The following IGSF21 variants were observed in gnomAD, a reference collection of about 807,000 sequenced individuals.
The protein encoded by IGSF21 is immunoglobin superfamily member 21.
IGSF21 carries 28 observed loss-of-function variants against 46.8 expected under a neutral mutation model. The observed-to-expected ratio is 0.60, with a 90% CI of 0.44 to 0.82. The LOEUF (loss-of-function observed/expected upper bound fraction) is 0.82, where lower values mean the gene tolerates loss of function less well. Among genes scored for constraint, IGSF21 ranks in the 40% least tolerant of loss-of-function variants. The pLI is 0.00. For synonymous variants in IGSF21, 284 were observed against 273.6 expected, an observed-to-expected ratio of 1.04 and a Z score of -0.38; for missense variants, 624 against 665.5, an observed-to-expected ratio of 0.94 and a Z score of 0.69.
At position 18,365,557 on chromosome 1, in the gene IGSF21, C is replaced by T. The variant is rs779187532; in HGVS notation, c.875C>T (p.Thr292Ile). The T allele has an allele frequency of 1.7e-5, 28 of 1,614,058 alleles. No individual in the cohort carries two copies. Among genetic ancestry groups the T allele is most frequent in the Non-Finnish European group, 2.3e-5 (27 of 1,180,050 alleles). The change falls in exon 6 of 10, where the codon ACC (threonine) becomes ATC (isoleucine). Residue 292 changes from threonine to isoleucine, a missense_variant. By Grantham distance (89) the Thr-to-Ile change is moderately conservative. Coordinates refer to ENST00000251296, the MANE Select transcript of IGSF21 (RefSeq NM_032880.5). This position sits in a 1 kb window ranked among gnomAD's most constrained non-coding sequence, Gnocchi z 4.8. ...EPTYFLRHSRTPSSDGTVEVR... is the reference protein window; with the variant it reads ...EPTYFLRHSRIPSSDGTVEVR... ...ACCTACTTCCTGCGCCACAGCCGCA[C>T]CCCGAGCAGTGACGGCACTGTGGAA...
intron 1 of IGSF21, among the ~76,000 whole-genome samples, chr1:18,224,774 A>T (rs971333274): frequency 2.0e-5 from 3 of 152,244 alleles, no homozygotes; most frequent in Non-Finnish European, 4.4e-5. Flanking sequence ...GTTGGAAATC[A>T]TGTTTTCCTG....
chr1:18,291,022 C>G (rs1165733038), intron 2 of IGSF21, among the ~76,000 whole-genome samples: 1 of 152,184 alleles, frequency 6.6e-6, no homozygotes, highest in African/African-American at 2.4e-5. Flanking sequence ...GCCGAGTAAA[C>G]AGATAAATAA....
At chr1:18,288,637 T>C (rs2085237995) in intron 2 of IGSF21, among the ~76,000 whole-genome samples, 1 of 152,204 alleles carries the variant, frequency 6.6e-6, no homozygotes, top group Non-Finnish European at 1.5e-5. Flanking sequence ...GCCTCTTTCT[T>C]GGGCCCTCTA....
intron 3 of IGSF21, among the ~76,000 whole-genome samples, chr1:18,312,342 C>T (rs557159606): frequency 2.6e-5 from 4 of 152,280 alleles, no homozygotes; most frequent in African/African-American, 9.6e-5. Flanking sequence ...TAGGTTTTAG[C>T]CCAGTAGGAA....
intron 3 of IGSF21, among the ~76,000 whole-genome samples, chr1:18,327,673 T>C (rs1238372326): frequency 1.3e-5 from 2 of 152,184 alleles, no homozygotes; most frequent in East Asian, 3.9e-4. Context: ...TCCATTTATA[T>C]AAAATCCTAG....
At position 18,337,942 on chromosome 1, in the gene IGSF21, C is replaced by T. The variant is rs889608284; in HGVS notation, c.424+2932C>T. ...TTATCTCTGTGCCAGAGGAGCGTGG[C>T]TTCTGTAGCTCACCAAGGTCCTGAA... On this transcript the variant is annotated intron_variant, in intron 4 of 9. Coordinates refer to ENST00000251296, the MANE Select transcript of IGSF21 (RefSeq NM_032880.5). The surrounding 1 kb of genome is among the most constrained non-coding windows in gnomAD (Gnocchi z 5.7). 4.6e-5 allele frequency among the ~76,000 whole-genome samples: 7 copies of T among 152,102 alleles called. No individual in the cohort carries two copies. The highest frequency in any genetic ancestry group is 1.7e-4 in the African/African-American group (7 of 41,400).
chr1:18,120,489 C>T (rs544575510), intron 1 of IGSF21, among the ~76,000 whole-genome samples: 1 of 152,172 alleles, frequency 6.6e-6, no homozygotes, highest in Non-Finnish European at 1.5e-5. Flanking sequence ...GAGCTGGGGT[C>T]CAAGTAGCAG....
intron 1 of IGSF21, among the ~76,000 whole-genome samples, chr1:18,187,889 T>A (rs1307795640): frequency 6.6e-6 from 1 of 152,120 alleles, no homozygotes; most frequent in Non-Finnish European, 1.5e-5. Flanking sequence ...AAGCGGACAC[T>A]CAGAATGTTT....
intron 2 of IGSF21, among the ~76,000 whole-genome samples, chr1:18,287,931 ACAGAAAGAGCC>A (rs1184832016): frequency 2.6e-5 from 4 of 152,102 alleles, no homozygotes; most frequent in African/African-American, 4.8e-5. Flanking sequence ...AGCCCCATAG[ACAGAAAGAGCC>A]CTGGAGGGTG....
intron 2 of IGSF21, among the ~76,000 whole-genome samples, chr1:18,289,494 C>A (rs977871644): frequency 1.3e-5 from 2 of 152,216 alleles, no homozygotes; most frequent in Non-Finnish European, 2.9e-5. Context: ...GGGCCTCAGC[C>A]GAATCATTTT....
At chr1:18,121,883 T>C (rs1341248630) in intron 1 of IGSF21, among the ~76,000 whole-genome samples, 1 of 152,204 alleles carries the variant, frequency 6.6e-6, no homozygotes, top group African/African-American at 2.4e-5. Flanking sequence ...TTGCCTTTGA[T>C]GAGGACTCAT....
At chr1:18,121,949 T>C (rs576686726) in intron 1 of IGSF21, among the ~76,000 whole-genome samples, 1 of 152,310 alleles carries the variant, frequency 6.6e-6, no homozygotes, top group Admixed American at 6.5e-5. Context: ...CACAGGCAGG[T>C]GCACCACTTC....
At chr1:18,328,565 A>G (rs971291252) in intron 3 of IGSF21, among the ~76,000 whole-genome samples, 2 of 152,234 alleles carry the variant, frequency 1.3e-5, no homozygotes, top group Admixed American at 6.5e-5. Context: ...TGCATGGTAC[A>G]TGGTGGGTGC....
intron 1 of IGSF21, among the ~76,000 whole-genome samples, chr1:18,143,466 T>C (rs2086436936): frequency 1.3e-5 from 2 of 152,110 alleles, no homozygotes; most frequent in African/African-American, 2.4e-5. Flanking sequence ...CAGTGCCCAG[T>C]CATAAAGTGC....
At position 18,247,048 on chromosome 1, in the gene IGSF21, C is replaced by CTT. The variant is rs34980016; in HGVS notation, c.183+19057_183+19058dup. Reference sequence around the variant, plus strand: ...TCCCAAAAGTTGCAGAGCTGGAATTCTTTTTTTTTTTTTTTTTTTTGAGAC... The same window carrying CTT: ...TCCCAAAAGTTGCAGAGCTGGAATTCTTTTTTTTTTTTTTTTTTTTTTGAGAC... On this transcript the variant is annotated intron_variant, in intron 2 of 9. Transcript: ENST00000251296. 7.4e-4 allele frequency among the ~76,000 whole-genome samples: 90 copies of CTT among 122,414 alleles called. 1 individual carries two copies. Among genetic ancestry groups the CTT allele is most frequent in the African/African-American group, 2.0e-3 (63 of 31,186 alleles). 80.3% of individuals were successfully genotyped at this position (122,414 alleles called of 152,430 possible). A position where few individuals can be genotyped will look rare whatever the true frequency, so the allele number is the denominator to read the frequency against.
At chr1:18,325,954 G>C (rs6692225) in intron 3 of IGSF21, among the ~76,000 whole-genome samples, 11,078 of 152,086 alleles carry the variant, frequency 0.073, 1,044 homozygotes, top group African/African-American at 0.21. Context: ...TAACTGACCT[G>C]AGCCACCCAC....
chr1:18,355,827 C>A (rs2086010450), intron 4 of IGSF21, among the ~76,000 whole-genome samples: 1 of 120,762 alleles, frequency 8.3e-6, no homozygotes, highest in Admixed American at 9.7e-5. Flanking sequence ...CATGTCTAGA[C>A]TCTTTTTTTT....
intron 1 of IGSF21, among the ~76,000 whole-genome samples, chr1:18,149,125 A>G (rs2086497551): frequency 6.6e-6 from 1 of 152,188 alleles, no homozygotes; most frequent in East Asian, 1.9e-4. Context: ...CCTGGACAAC[A>G]GCTGGGACAG....
intron 4 of IGSF21, among the ~76,000 whole-genome samples, chr1:18,348,040 A>G (rs1028359881): frequency 5.3e-5 from 8 of 152,232 alleles, no homozygotes; most frequent in South Asian, 4.1e-4. Flanking sequence ...ATGTTGCTCC[A>G]GGCACTTAAA....
Sources: gnomAD v4.1 joint callset for allele counts (sites outside exome capture counted in the v4.1 genomes callset) on GRCh38, gnomAD v4.1.1 for gene constraint, Gnocchi (gnomAD v3.1) non-coding constraint, MANE v1.5 for transcripts, NCBI Gene and HGNC (gene_info 2026-07-23, HGNC 2026-07-21) for gene names.